Variants in PCDH15 observed in about 807,000 individuals in gnomAD.
The protein encoded by PCDH15 is protocadherin related 15.
A neutral mutation model predicts 178.5 loss-of-function variants in PCDH15; 129 were observed. The observed-to-expected ratio is 0.72, with a 90% CI of 0.63 to 0.84. PCDH15 has a LOEUF of 0.84. PCDH15 is among the 40% of genes least tolerant of loss of function. PCDH15 has a pLI of 0.00. For missense variants in PCDH15, 2,230 were observed against 2,099.9 expected, an observed-to-expected ratio of 1.06 and a Z score of -1.21; for synonymous variants, 800 against 732.0, an observed-to-expected ratio of 1.09 and a Z score of -1.50.
At chr10:54,837,405 T>A (rs906031000) in intron 3 of PCDH15, among the ~76,000 whole-genome samples, 1 of 152,004 alleles carries the variant, frequency 6.6e-6, no homozygotes, top group Admixed American at 6.6e-5. Flanking sequence ...GGATGAATAA[T>A]AAACTCAAGT....
chr10:54,269,072 T>C (rs1167952717), intron 8 of PCDH15, among the ~76,000 whole-genome samples: 1 of 151,926 alleles, frequency 6.6e-6, no homozygotes, highest in African/African-American at 2.4e-5. Context: ...TATGGCTACA[T>C]TTTCTTAATA....
intron 2 of PCDH15, among the ~76,000 whole-genome samples, chr10:55,520,058 A>ATG (rs1565217499): frequency 6.8e-6 from 1 of 146,006 alleles, no homozygotes; most frequent in East Asian, 2.0e-4. Flanking sequence ...ATATATATAT[A>ATG]CATATATATG....
chr10:54,152,449 CTG>C (rs1358705671), intron 14 of PCDH15, among the ~76,000 whole-genome samples: 1 of 150,994 alleles, frequency 6.6e-6, no homozygotes, highest in East Asian at 1.9e-4. Context: ...TATTACATAA[CTG>C]TGAAAAAAAT....
Position 54,975,716 on chromosome 10 carries a change from T to C in PCDH15, c.-79-78216A>G, listed in dbSNP as rs150262366. On this transcript the variant is annotated intron_variant, in intron 2 of 5. Transcript: ENST00000458638. ...CAAAGTCTCTTAGTTAAGTGAGATATATCATATGATAATACGGTATTTGTA... is the reference window on the plus strand; with the variant it reads ...CAAAGTCTCTTAGTTAAGTGAGATACATCATATGATAATACGGTATTTGTA... Among the ~76,000 whole-genome samples, 30 of 152,300 alleles carry C rather than the reference T, an allele frequency of 2.0e-4. No individual in the cohort carries two copies. In the South Asian group the frequency reaches 3.7e-3, roughly 19 times the overall value.
chr10:54,657,679 C>T (rs779723800), intron 2 of PCDH15, among the ~76,000 whole-genome samples: 2 of 152,080 alleles, frequency 1.3e-5, no homozygotes, highest in African/African-American at 2.4e-5. Context: ...CACATCATAA[C>T]ATAAATCACA....
At chr10:55,295,483 G>A (rs981441059) in intron 1 of PCDH15, among the ~76,000 whole-genome samples, 3 of 152,152 alleles carry the variant, frequency 2.0e-5, no homozygotes, top group African/African-American at 7.2e-5. Flanking sequence ...AAGGCAAGGT[G>A]TCAAAAAATA....
chr10:53,817,522 T>C (rs943408255), intron 34 of PCDH15, among the ~76,000 whole-genome samples: 28 of 147,962 alleles, frequency 1.9e-4, no homozygotes, highest in African/African-American at 2.0e-4. Context: ...TTTTCTTTTT[T>C]TTTTCTTTTT....
In PCDH15 at chr10:54,797,834, C is replaced by T. The variant is rs372032840; in HGVS notation, c.-29+3091G>A. 3.4e-4 allele frequency among the ~76,000 whole-genome samples: 51 copies of T among 151,934 alleles called. No homozygotes were observed. In the East Asian group the frequency reaches 5.9e-3, roughly 17 times the overall value. On this transcript the variant is annotated intron_variant, in intron 1 of 37. Transcript: ENST00000644397. The stretch of plus-strand genomic sequence containing the variant: ...GGGAGCGGGGTGTGTCCATCTTACT[C>T]AGCGTGACTGACTTTTAGGCTGAGA...
At chr10:55,480,468 A>G (rs1053339885) in intron 2 of PCDH15, among the ~76,000 whole-genome samples, 3 of 151,628 alleles carry the variant, frequency 2.0e-5, no homozygotes, top group African/African-American at 7.2e-5. Context: ...TGGTGAGTCT[A>G]TCATATATAT....
At chr10:54,468,393 T>G (rs538760770) in intron 3 of PCDH15, among the ~76,000 whole-genome samples, 2 of 152,094 alleles carry the variant, frequency 1.3e-5, no homozygotes, top group Non-Finnish European at 2.9e-5. Context: ...ATTTTTTGAT[T>G]CCTCTCTTAA....
At chr10:54,469,019 A>T (rs2077715389) in intron 3 of PCDH15, among the ~76,000 whole-genome samples, 1 of 151,990 alleles carries the variant, frequency 6.6e-6, no homozygotes, top group Non-Finnish European at 1.5e-5. Flanking sequence ...CTTTACATTC[A>T]ATCTATATGT....
chr10:55,114,079 GCTGGGA>G (rs1396521643), intron 2 of PCDH15, among the ~76,000 whole-genome samples: 4 of 152,044 alleles, frequency 2.6e-5, no homozygotes, highest in Admixed American at 6.6e-5. Context: ...CTCCTGAGTA[GCTGGGA>G]CTACAGGCAC....
At chr10:55,353,775 C>T (rs1047127929) in intron 2 of PCDH15, among the ~76,000 whole-genome samples, 2 of 152,084 alleles carry the variant, frequency 1.3e-5, no homozygotes, top group Non-Finnish European at 2.9e-5. Context: ...CACAACAGTA[C>T]AAAACCCTCC....
chr10:54,733,795 A>C (rs551381741), intron 1 of PCDH15, among the ~76,000 whole-genome samples: 1 of 151,518 alleles, frequency 6.6e-6, no homozygotes, highest in Non-Finnish European at 1.5e-5. Context: ...ATAGAACCAC[A>C]CAAATGTTTA....
chr10:54,390,025 A>G (rs553348993), intron 3 of PCDH15, among the ~76,000 whole-genome samples: 1 of 152,272 alleles, frequency 6.6e-6, no homozygotes, highest in East Asian at 1.9e-4. Context: ...ATGTGCTGTA[A>G]AAGTTCAGAC....
chr10:54,497,541 A>G lies in PCDH15; in HGVS notation c.157+30271T>C, dbSNP rs770024509. Among the ~76,000 whole-genome samples the G allele has an allele frequency of 2.2e-4, 34 of 152,164 alleles. 1 individual carries two copies. The highest frequency in any genetic ancestry group is 4.3e-4 in the Non-Finnish European group (29 of 68,026). On this transcript the variant is annotated intron_variant, in intron 3 of 37. Transcript: ENST00000644397. The stretch of plus-strand genomic sequence containing the variant: ...GAGAAGGTTGAAACCAAATCCAAAG[A>G]AAGCAGCAAAACAATCCAATATTTG...
intron 1 of PCDH15, among the ~76,000 whole-genome samples, chr10:54,723,917 CA>C (rs1942065257): frequency 6.6e-6 from 1 of 151,518 alleles, no homozygotes; most frequent in African/African-American, 2.4e-5. Context: ...CAAGAAACGG[CA>C]ATTGTTTATA....
chr10:54,062,252 A>AAT, intron 18 of PCDH15, among the ~76,000 whole-genome samples: 1 of 72,222 alleles, frequency 1.4e-5, no homozygotes, highest in Non-Finnish European at 3.0e-5. Context: ...AAAAAAAAAA[A>AAT]CAAAAAACAA....
intron 2 of PCDH15, among the ~76,000 whole-genome samples, chr10:55,346,915 G>C (rs78049964): frequency 6.6e-6 from 1 of 151,712 alleles, no homozygotes; most frequent in African/African-American, 2.4e-5. Context: ...AAATTAGGAG[G>C]GTAAAAAGAT....
Sources: allele counts gnomAD v4.1 joint callset (sites outside exome capture counted in the v4.1 genomes callset), GRCh38; gene constraint gnomAD v4.1.1; transcripts MANE v1.5; gene names NCBI Gene and HGNC (gene_info 2026-07-23, HGNC 2026-07-21).